The following AFF3 variants were observed in gnomAD, a reference collection of about 807,000 sequenced individuals.
AFF3 encodes AF4/FMR2 family member 3.
In AFF3, 32 loss-of-function variants were observed where a neutral mutation model predicts 129.7. The ratio of observed to expected loss-of-function variants is 0.25; its 90% CI spans 0.19 to 0.33. The LOEUF (loss-of-function observed/expected upper bound fraction) is 0.33. Among genes scored for constraint, AFF3 ranks in the 10% least tolerant of loss-of-function variants. The probability of loss-of-function intolerance (pLI) is 1.00; values close to 1 mark genes in which losing one functional copy is unlikely to be tolerated. For missense variants in AFF3, 1,373 were observed against 1,592.0 expected, an observed-to-expected ratio of 0.86 and a Z score of 2.34; for synonymous variants, 644 against 635.4, an observed-to-expected ratio of 1.01 and a Z score of -0.20.
intron 4 of AFF3, among the ~76,000 whole-genome samples, chr2:100,042,652 AAGTT>A (rs1362400057): frequency 6.6e-6 from 1 of 152,212 alleles, no homozygotes; most frequent in East Asian, 1.9e-4. Flanking sequence ...TAAGTAATCA[AAGTT>A]AGTTGAACAT....
At chr2:100,090,276 C>A (rs980579191) in intron 4 of AFF3, among the ~76,000 whole-genome samples, 1 of 150,332 alleles carries the variant, frequency 6.7e-6, no homozygotes, top group Non-Finnish European at 1.5e-5. Flanking sequence ...AATTGTATTG[C>A]TGTACCATCA....
At chr2:99,596,676 T>G (rs995142749) in intron 14 of AFF3, among the ~76,000 whole-genome samples, 7 of 152,118 alleles carry the variant, frequency 4.6e-5, no homozygotes, top group African/African-American at 1.7e-4. Context: ...AGCCCACATC[T>G]CATATGTGAG....
At chr2:99,857,623 C>A (rs1185815681) in intron 7 of AFF3, among the ~76,000 whole-genome samples, 1 of 152,184 alleles carries the variant, frequency 6.6e-6, no homozygotes, top group Non-Finnish European at 1.5e-5. Context: ...AGCTCATACA[C>A]ACACAAATCC....
chr2:99,604,125 T>C (rs1449687363), intron 13 of AFF3, among the ~76,000 whole-genome samples: 1 of 152,224 alleles, frequency 6.6e-6, no homozygotes, highest in African/African-American at 2.4e-5. Context: ...TTACTGGGTA[T>C]ATACCCAAAG....
intron 4 of AFF3, among the ~76,000 whole-genome samples, chr2:100,063,112 G>T (rs559944115): frequency 6.6e-6 from 1 of 152,002 alleles, no homozygotes; most frequent in Non-Finnish European, 1.5e-5. Context: ...TTAGCCAGGC[G>T]TGGTGGCACT....
intron 4 of AFF3, among the ~76,000 whole-genome samples, chr2:100,023,406 A>G (rs17437282): frequency 0.1 from 15,291 of 152,254 alleles, 1,085 homozygotes; most frequent in Non-Finnish European, 0.14. Context: ...TTTTGGAATT[A>G]AAATTCTACA....
At chr2:100,004,061 C>T (rs1486368402) in intron 7 of AFF3, among the ~76,000 whole-genome samples, 1 of 152,072 alleles carries the variant, frequency 6.6e-6, no homozygotes, top group Non-Finnish European at 1.5e-5. Flanking sequence ...CTATACGATG[C>T]CAAACAGCTA....
chr2:99,885,256 C>CA (rs1693022182), intron 7 of AFF3, among the ~76,000 whole-genome samples: 1 of 152,178 alleles, frequency 6.6e-6, no homozygotes, highest in African/African-American at 2.4e-5. Flanking sequence ...CAAATTCATC[C>CA]ACTTTACCCT....
chr2:100,139,256 T>C (rs561756644), intron 1 of AFF3, among the ~76,000 whole-genome samples: 133 of 152,318 alleles, frequency 8.7e-4, no homozygotes, highest in African/African-American at 3.1e-3. Flanking sequence ...TCCTTGGTCC[T>C]GAGAAAGCTG....
intron 7 of AFF3, among the ~76,000 whole-genome samples, chr2:99,998,802 G>T (rs931212701): frequency 1.3e-5 from 2 of 152,174 alleles, no homozygotes; most frequent in South Asian, 4.2e-4. Context: ...GATTGGTAAA[G>T]TACTAAATGG....
At chr2:99,632,580 G>T (rs1434684727) in intron 13 of AFF3, among the ~76,000 whole-genome samples, 1 of 152,106 alleles carries the variant, frequency 6.6e-6, no homozygotes, top group Non-Finnish European at 1.5e-5. Context: ...AGACCAGAGC[G>T]CCAGGCTTCG....
intron 11 of AFF3, among the ~76,000 whole-genome samples, chr2:99,689,914 C>T (rs1019287905): frequency 9.9e-5 from 15 of 150,882 alleles, no homozygotes; most frequent in African/African-American, 3.6e-4. Context: ...TGGTGAGACC[C>T]CATCTCTACC....
chr2:99,783,235 T>C (rs1009601896), intron 8 of AFF3, among the ~76,000 whole-genome samples: 4 of 152,162 alleles, frequency 2.6e-5, no homozygotes, highest in Admixed American at 1.3e-4. Context: ...AACCCCTACC[T>C]CTCAAGTCCC....
rs1674292523 is a variant in AFF3, at chr2:99,549,944, C to T, written c.*1530G>A. On this transcript the variant is annotated 3_prime_UTR_variant, in exon 25 of 25. Transcript: ENST00000672756. ...ATGGATTGCACCACATATTACACCG[C>T]CTGCCTTTCTCAGACCGTCCTGGTG... 1 of 221,820 alleles carries T rather than the reference C, an allele frequency of 4.5e-6. No homozygotes were observed. Among genetic ancestry groups the T allele is most frequent in the African/African-American group, 2.2e-5 (1 of 44,622 alleles). 13.7% of individuals were successfully genotyped at this position (221,820 alleles called of 1,614,324 possible).
chr2:100,051,561 T>C (rs1686338954), intron 4 of AFF3, among the ~76,000 whole-genome samples: 1 of 152,338 alleles, frequency 6.6e-6, no homozygotes, highest in Admixed American at 6.5e-5. Context: ...AGCATCTTGC[T>C]AGTCCCCTTT....
chr2:99,800,905 T>C (rs187426117), intron 8 of AFF3, among the ~76,000 whole-genome samples: 1 of 152,186 alleles, frequency 6.6e-6, no homozygotes, highest in African/African-American at 2.4e-5. Context: ...AGCAGAGCAG[T>C]GGTGGCCTGG....
rs1674198969 is a variant in AFF3, at chr2:99,548,665, C to T, written c.*2809G>A. 2 of 217,466 alleles carry T rather than the reference C, an allele frequency of 9.2e-6. No individual in the cohort carries two copies. The highest frequency in any genetic ancestry group is 1.9e-5 in the Non-Finnish European group (2 of 108,086). 13.5% of individuals were successfully genotyped at this position (217,466 alleles called of 1,614,324 possible). On this transcript the variant is annotated 3_prime_UTR_variant, in exon 25 of 25. Coordinates refer to ENST00000672756, the MANE Select transcript of AFF3 (RefSeq NM_001386135.1). Reference sequence around the variant, plus strand: ...GGCTGAGGCAGGAGGATTGCTTGAGCCCAGGAGTTTGAGGCTGCAGGGAGC... The same window carrying T: ...GGCTGAGGCAGGAGGATTGCTTGAGTCCAGGAGTTTGAGGCTGCAGGGAGC...
At chr2:99,567,029 A>G (rs2053913) in intron 19 of AFF3, among the ~76,000 whole-genome samples, 25,308 of 149,624 alleles carry the variant, frequency 0.17, 5,124 homozygotes, top group African/African-American at 0.48. Flanking sequence ...GTGCAGTGGC[A>G]TGATCTTGGC....
At chr2:100,037,772 T>C (rs1298458576) in intron 4 of AFF3, among the ~76,000 whole-genome samples, 5 of 134,702 alleles carry the variant, frequency 3.7e-5, no homozygotes, top group Admixed American at 8.6e-5. Context: ...ATAATAAATA[T>C]ATTTATTTTT....
Sources: allele counts gnomAD v4.1 joint callset (sites outside exome capture counted in the v4.1 genomes callset), GRCh38; gene constraint gnomAD v4.1.1; transcripts MANE v1.5; gene names NCBI Gene and HGNC (gene_info 2026-07-23, HGNC 2026-07-21).